Variants in WWC2 observed in about 807,000 individuals in gnomAD.
WWC2 encodes WW and C2 domain containing 2, also known as protein WWC2.
WWC2 carries 101 observed loss-of-function variants against 138.5 expected under a neutral mutation model. The ratio of observed to expected loss-of-function variants is 0.73; its 90% CI spans 0.62 to 0.86. The LOEUF (loss-of-function observed/expected upper bound fraction) is 0.86, where lower values mean the gene tolerates loss of function less well. WWC2 is among the 40% of genes least tolerant of loss of function. The pLI is 0.00. For missense variants in WWC2, 1,420 were observed against 1,419.4 expected (o/e 1.00, Z -0.01); for synonymous variants, 558 against 538.4 (o/e 1.04, Z -0.50).
At chr4:183,120,824 A>G (rs1732575739) in intron 1 of WWC2, among the ~76,000 whole-genome samples, 1 of 152,164 alleles carries the variant, frequency 6.6e-6, no homozygotes, top group African/African-American at 2.4e-5. Flanking sequence ...TGGTGCCATC[A>G]TGGCTGACTG....
chr4:183,154,025 A>C (rs1300388628), intron 1 of WWC2, among the ~76,000 whole-genome samples: 9 of 150,186 alleles, frequency 6.0e-5, no homozygotes, highest in Non-Finnish European at 1.0e-4. Context: ...AAAAAAAAAA[A>C]AAACCCCAAA....
intron 21 of WWC2, among the ~76,000 whole-genome samples, chr4:183,308,349 A>G (rs1415786500): frequency 6.6e-6 from 1 of 151,922 alleles, no homozygotes; most frequent in Admixed American, 6.5e-5. Flanking sequence ...CCATCAAGTT[A>G]TTATGTAATA....
intron 4 of WWC2, among the ~76,000 whole-genome samples, chr4:183,220,694 C>T (rs1357304833): frequency 5.3e-5 from 8 of 151,846 alleles, no homozygotes; most frequent in East Asian, 1.9e-4. Context: ...AGTAGCCGGG[C>T]GTGGTGGCGG....
At position 183,306,155 on chromosome 4, in the gene WWC2, T is replaced by A. The variant is rs577004236; in HGVS notation, c.3385-6186T>A. On this transcript the variant is annotated intron_variant, in intron 21 of 22. Transcript: ENST00000403733. ...GACATGCTAAGAAAGGAGAGAAAAT[T>A]GACATTATATAAAGTCCTCAATTAA... is the stretch of plus-strand genomic sequence containing the variant. Among the ~76,000 whole-genome samples, 13 of 152,200 alleles carry A rather than the reference T, an allele frequency of 8.5e-5. No individual in the cohort carries two copies. In the South Asian group the frequency reaches 2.5e-3, roughly 29 times the overall value.
chr4:183,105,113 T>C (rs1743309558), intron 1 of WWC2, among the ~76,000 whole-genome samples: 1 of 152,186 alleles, frequency 6.6e-6, no homozygotes, highest in African/African-American at 2.4e-5. Context: ...ATCACCATGT[T>C]GGCCAGGCTG....
intron 4 of WWC2, among the ~76,000 whole-genome samples, chr4:183,213,246 G>T (rs560988832): frequency 2.0e-5 from 3 of 152,318 alleles, no homozygotes; most frequent in African/African-American, 4.8e-5. Context: ...TAGCACTTTA[G>T]GAATGGCCCA....
At chr4:183,122,610 C>T (rs544497578) in intron 1 of WWC2, among the ~76,000 whole-genome samples, 34 of 152,234 alleles carry the variant, frequency 2.2e-4, no homozygotes, top group Non-Finnish European at 2.4e-4. Flanking sequence ...GTCTCCGCCT[C>T]CCAGGCTCAA....
chr4:183,306,921 C>G (rs1340230016), intron 21 of WWC2, among the ~76,000 whole-genome samples: 4 of 140,684 alleles, frequency 2.8e-5, no homozygotes, highest in Non-Finnish European at 6.1e-5. Context: ...TGGATGAATT[C>G]ATTATTATCC....
chr4:183,259,856 T>G lies in WWC2; in HGVS notation c.1286+128T>G, dbSNP rs929043811. ...TCATTATAGTAGCACAGTTACTGTT[T>G]GAGTGATCAGATTTAAAGTCACATT... On this transcript the variant is annotated intron_variant, in intron 10 of 22. Coordinates refer to ENST00000403733, the MANE Select transcript of WWC2 (RefSeq NM_024949.6). 4 of 722,256 alleles carry G rather than the reference T, an allele frequency of 5.5e-6. No individual in the cohort carries two copies. The African/African-American group carries it at 7.3e-5, about 13-fold the overall frequency. 44.7% of individuals were successfully genotyped at this position (722,256 alleles called of 1,614,324 possible).
In WWC2 at chr4:183,158,111, C is replaced by A. The variant is rs74403947; in HGVS notation, c.132-35488C>A. ...GGCCACATCTAACACCCCCTTATTT[C>A]TTCCCTTCCATTTTTCTCTGTATAC... On this transcript the variant is annotated intron_variant, in intron 1 of 22. Coordinates refer to ENST00000403733, the MANE Select transcript of WWC2 (RefSeq NM_024949.6). Among the ~76,000 whole-genome samples the A allele has an allele frequency of 6.0e-3, 916 of 152,238 alleles. 15 individuals carry two copies. Among genetic ancestry groups the A allele is most frequent in the African/African-American group, 0.021 (862 of 41,540 alleles).
At chr4:183,121,358 A>G (rs1364528775) in intron 1 of WWC2, among the ~76,000 whole-genome samples, 1 of 151,414 alleles carries the variant, frequency 6.6e-6, no homozygotes, top group Admixed American at 6.6e-5. Context: ...TTTTTTTTTA[A>G]ATTTTGGAAT....
At chr4:183,228,012 A>G (rs1289507130) in intron 4 of WWC2, among the ~76,000 whole-genome samples, 1 of 152,024 alleles carries the variant, frequency 6.6e-6, no homozygotes, top group Non-Finnish European at 1.5e-5. Flanking sequence ...TGCTCTAGTT[A>G]AAAATACAAT....
intron 1 of WWC2, among the ~76,000 whole-genome samples, chr4:183,176,715 G>T (rs1010376046): frequency 6.6e-6 from 1 of 152,066 alleles, no homozygotes; most frequent in Admixed American, 6.5e-5. Context: ...GAGCCACCAT[G>T]CCCAGCCCTT....
chr4:183,105,220 A>G (rs549678036), intron 1 of WWC2, among the ~76,000 whole-genome samples: 1 of 152,274 alleles, frequency 6.6e-6, no homozygotes, highest in South Asian at 2.1e-4. Context: ...TTGAGCTGCA[A>G]ATCCCTAAGC....
chr4:183,131,867 C>T (rs1732936202), intron 1 of WWC2, among the ~76,000 whole-genome samples: 1 of 152,024 alleles, frequency 6.6e-6, no homozygotes, highest in African/African-American at 2.4e-5. Context: ...AGGATGAGAC[C>T]AATTTCATTT....
At chr4:183,127,263 G>A (rs992498619) in intron 1 of WWC2, among the ~76,000 whole-genome samples, 70 of 152,028 alleles carry the variant, frequency 4.6e-4, no homozygotes, top group African/African-American at 1.7e-3. Flanking sequence ...AAGGCCTTTC[G>A]AGGCATTATA....
intron 4 of WWC2, among the ~76,000 whole-genome samples, chr4:183,230,626 G>A (rs750998794): frequency 1.2e-4 from 18 of 152,196 alleles, no homozygotes; most frequent in Non-Finnish European, 2.4e-4. Context: ...GCAGTGAGCC[G>A]AGATTGTGTC....
Position 183,269,146 on chromosome 4 carries a change from C to T in WWC2, c.2383C>T (p.Arg795Ter), listed in dbSNP as rs1284224369. 6.2e-7 allele frequency: 1 copy of T among 1,609,344 alleles called. No homozygotes were observed. Among genetic ancestry groups the T allele is most frequent in the African/African-American group, 1.3e-5 (1 of 74,624 alleles). ...RVDLCSVSKHRREECLAGTQI... is the reference protein window; with the variant it reads ...RVDLCSVSKH ...AGACCTTTGCTCTGTCAGTAAACAC[C>T]GAAGGGAAGAATGCCTGGTAGGATT... Residue 795 changes from arginine (R) to a stop codon, truncating the protein, a stop_gained, in exon 15 of 23, where the codon CGA becomes TGA. Coordinates refer to ENST00000403733, the MANE Select transcript of WWC2 (RefSeq NM_024949.6). LOFTEE classifies it high-confidence loss of function.
At chr4:183,295,502 T>C (rs531782561) in intron 21 of WWC2, among the ~76,000 whole-genome samples, 1 of 152,330 alleles carries the variant, frequency 6.6e-6, no homozygotes, top group South Asian at 2.1e-4. Context: ...TGAGGGCCCC[T>C]GCCCTGTCCT....
Sources: allele counts gnomAD v4.1 joint callset (sites outside exome capture counted in the v4.1 genomes callset), GRCh38; gene constraint gnomAD v4.1.1; transcripts MANE v1.5; gene names NCBI Gene and HGNC (gene_info 2026-07-23, HGNC 2026-07-21).